The following FRMD4A variants were observed in gnomAD, a reference collection of about 807,000 sequenced individuals.
FRMD4A encodes the protein FERM domain containing 4A, also known as FERM domain-containing protein 4A.
In FRMD4A, 29 loss-of-function variants were observed where a neutral mutation model predicts 129.1. The observed-to-expected ratio is 0.22, with a 90% CI of 0.17 to 0.31. FRMD4A has a LOEUF of 0.31. Ranked by LOEUF, FRMD4A falls within the 10% of genes least tolerant of loss-of-function variation. The probability of loss-of-function intolerance (pLI) is 1.00; values close to 1 mark genes in which losing one functional copy is unlikely to be tolerated. For missense variants in FRMD4A, 1,272 were observed against 1,375.8 expected (o/e 0.92, Z 1.19); for synonymous variants, 634 against 571.6 (o/e 1.11, Z -1.56).
At chr10:14,120,706 T>G (rs550301795) in intron 2 of FRMD4A, among the ~76,000 whole-genome samples, 26 of 152,182 alleles carry the variant, frequency 1.7e-4, no homozygotes, top group Non-Finnish European at 8.8e-5. Flanking sequence ...TCTAGTTTTT[T>G]GGGGAGCAGA....
At chr10:14,069,301 C>T (rs774477503) in intron 2 of FRMD4A, among the ~76,000 whole-genome samples, 1 of 152,178 alleles carries the variant, frequency 6.6e-6, no homozygotes, top group Non-Finnish European at 1.5e-5. Context: ...AGCCATGGCA[C>T]GTTTCAATCA....
chr10:13,826,750 G>A (rs541099181), intron 3 of FRMD4A, among the ~76,000 whole-genome samples: 1 of 152,264 alleles, frequency 6.6e-6, no homozygotes, highest in East Asian at 1.9e-4. Flanking sequence ...GAAGAGTAAT[G>A]AAAAAGTACA....
intron 2 of FRMD4A, among the ~76,000 whole-genome samples, chr10:14,214,544 C>T (rs1463802995): frequency 1.3e-5 from 2 of 152,214 alleles, no homozygotes; most frequent in African/African-American, 2.4e-5. Flanking sequence ...TACCTTAGTA[C>T]TTAATATACA....
intron 2 of FRMD4A, among the ~76,000 whole-genome samples, chr10:13,931,951 A>AAACCAACC (rs376187231): frequency 0.27 from 30,547 of 111,296 alleles, 3,511 homozygotes; most frequent in Non-Finnish European, 0.32. Flanking sequence ...TCTGTCTCAA[A>AAACCAACC]AACCAACCAA....
At chr10:14,190,967 G>A (rs956533954) in intron 2 of FRMD4A, among the ~76,000 whole-genome samples, 6 of 152,200 alleles carry the variant, frequency 3.9e-5, no homozygotes, top group Non-Finnish European at 8.8e-5. Context: ...AATTCAGGCT[G>A]TGAGGTCAGC....
At chr10:14,000,126 T>A (rs2095636381) in intron 2 of FRMD4A, among the ~76,000 whole-genome samples, 2 of 152,340 alleles carry the variant, frequency 1.3e-5, no homozygotes, top group East Asian at 3.9e-4. Flanking sequence ...ATGTGGTTCA[T>A]CCACTCCCAG....
At chr10:13,668,734 G>T (rs2083265796) in intron 17 of FRMD4A, among the ~76,000 whole-genome samples, 1 of 152,244 alleles carries the variant, frequency 6.6e-6, no homozygotes, top group South Asian at 2.1e-4. Flanking sequence ...TAAAAGTGGG[G>T]TCCCTTTTTA....
At chr10:13,976,651 G>C (rs973257879) in intron 2 of FRMD4A, among the ~76,000 whole-genome samples, 22 of 152,150 alleles carry the variant, frequency 1.4e-4, no homozygotes, top group Admixed American at 1.3e-3. Context: ...TGCAAGTAAT[G>C]TGTAGTGCTA....
intron 15 of FRMD4A, chr10:13,685,627 A>G (rs1351874996): frequency 1.0e-6 from 1 of 984,522 alleles, no homozygotes; most frequent in African/African-American, 1.7e-5. Flanking sequence ...AAATGGGAAC[A>G]GAGAAACGCT....
intron 6 of FRMD4A, among the ~76,000 whole-genome samples, chr10:13,772,124 T>A (rs990373504): frequency 6.2e-5 from 9 of 144,678 alleles, no homozygotes; most frequent in Non-Finnish European, 9.0e-5. Context: ...CTCAAAAAAA[T>A]ATATATATTA....
At chr10:13,794,541 G>A (rs942334061) in intron 5 of FRMD4A, among the ~76,000 whole-genome samples, 8 of 152,238 alleles carry the variant, frequency 5.3e-5, no homozygotes, top group African/African-American at 1.4e-4. Flanking sequence ...AATAAATTTG[G>A]CTTTGGACCT....
At chr10:13,976,327 G>C (rs1021050692) in intron 2 of FRMD4A, among the ~76,000 whole-genome samples, 5 of 152,194 alleles carry the variant, frequency 3.3e-5, no homozygotes, top group African/African-American at 1.2e-4. Flanking sequence ...AGGGAGGCAG[G>C]TGTTGCTGAT....
At chr10:13,843,246 G>A (rs1166438236) in intron 3 of FRMD4A, among the ~76,000 whole-genome samples, 1 of 152,074 alleles carries the variant, frequency 6.6e-6, no homozygotes, top group Non-Finnish European at 1.5e-5. Flanking sequence ...TGGGGGTGCC[G>A]ACCGGGAACT....
chr10:14,328,973 C>A (rs1484431009), intron 2 of FRMD4A, among the ~76,000 whole-genome samples: 1 of 152,178 alleles, frequency 6.6e-6, no homozygotes, highest in East Asian at 1.9e-4. Context: ...AGATTTCAGG[C>A]AATTCAACTA....
At chr10:14,191,805 T>TTCTC (rs71388163) in intron 2 of FRMD4A, among the ~76,000 whole-genome samples, 5 of 140,920 alleles carry the variant, frequency 3.5e-5, no homozygotes, top group African/African-American at 7.6e-5. Flanking sequence ...TTTTTTTTTT[T>TTCTC]TCTCTCTCTC....
chr10:14,196,129 G>A (rs1284311985), intron 2 of FRMD4A, among the ~76,000 whole-genome samples: 2 of 151,136 alleles, frequency 1.3e-5, no homozygotes, highest in Non-Finnish European at 2.9e-5. Context: ...ACACACAGGT[G>A]TGCACATAAA....
chr10:13,693,834 C>T (rs1375457046), intron 15 of FRMD4A, 64 bp downstream of exon 15: 1 of 1,546,460 alleles, frequency 6.5e-7, no homozygotes, highest in Non-Finnish European at 8.9e-7. Context: ...TCCCCACCTT[C>T]CTGGGTCCCC....
At chr10:13,949,765 T>A (rs1021429068) in intron 2 of FRMD4A, among the ~76,000 whole-genome samples, 4 of 152,214 alleles carry the variant, frequency 2.6e-5, no homozygotes, top group African/African-American at 9.6e-5. Flanking sequence ...GTAAGGGACA[T>A]CCCAAGTCAC....
chr10:14,303,752 C>T (rs1309904796), intron 2 of FRMD4A, among the ~76,000 whole-genome samples: 2 of 152,130 alleles, frequency 1.3e-5, no homozygotes, highest in South Asian at 2.1e-4. Flanking sequence ...CTTTTTCCCC[C>T]TCTTCATTCC....
Sources: gnomAD v4.1 joint callset for allele counts (sites outside exome capture counted in the v4.1 genomes callset) on GRCh38, gnomAD v4.1.1 for gene constraint, MANE v1.5 for transcripts, NCBI Gene and HGNC (gene_info 2026-07-23, HGNC 2026-07-21) for gene names.